The following SPAG17 variants were observed in gnomAD, a reference collection of about 807,000 sequenced individuals.
SPAG17 encodes the protein sperm associated antigen 17.
In SPAG17, 169 loss-of-function variants were observed where a neutral mutation model predicts 273.6. The ratio of observed to expected loss-of-function variants is 0.62; its 90% CI spans 0.55 to 0.70. SPAG17 has a LOEUF of 0.70. Ranked by LOEUF, SPAG17 falls within the 30% of genes least tolerant of loss-of-function variation. SPAG17 has a pLI of 0.00. For missense variants in SPAG17, 2,557 were observed against 2,627.8 expected, an observed-to-expected ratio of 0.97 and a Z score of 0.59; for synonymous variants, 825 against 873.2, an observed-to-expected ratio of 0.94 and a Z score of 0.97.
intron 26 of SPAG17, among the ~76,000 whole-genome samples, chr1:118,026,528 T>C (rs1160799445): frequency 6.6e-6 from 1 of 152,224 alleles, no homozygotes; most frequent in Admixed American, 6.5e-5. Context: ...GAGATATTTC[T>C]ATATGTTAAA....
intron 35 of SPAG17, among the ~76,000 whole-genome samples, chr1:117,993,969 G>A (rs771541582): frequency 6.6e-6 from 1 of 152,112 alleles, no homozygotes; most frequent in Non-Finnish European, 1.5e-5. Context: ...ATTGTTCTTA[G>A]ATGGTCAGTT....
chr1:118,068,136 G>T (rs1450020546), intron 17 of SPAG17, among the ~76,000 whole-genome samples: 1 of 150,744 alleles, frequency 6.6e-6, no homozygotes, highest in African/African-American at 2.4e-5. Flanking sequence ...TGAAGGCATG[G>T]AGTGATATAT....
At chr1:118,103,537 G>C (rs1264392940) in intron 4 of SPAG17, among the ~76,000 whole-genome samples, 4 of 152,170 alleles carry the variant, frequency 2.6e-5, no homozygotes, top group Non-Finnish European at 4.4e-5. Context: ...AGGTACAGAA[G>C]AGTGAAAGGG....
intron 17 of SPAG17, among the ~76,000 whole-genome samples, chr1:118,073,613 C>CT (rs577000376): frequency 1.3e-5 from 2 of 151,966 alleles, no homozygotes; most frequent in Non-Finnish European, 1.5e-5. Flanking sequence ...TTGTATATTT[C>CT]TTTTTTTCTT....
At chr1:118,080,404 T>C (rs1210131498) in intron 15 of SPAG17, among the ~76,000 whole-genome samples, 2 of 152,098 alleles carry the variant, frequency 1.3e-5, no homozygotes, top group East Asian at 3.9e-4. Context: ...CCTAATTCTG[T>C]TGGGCTAGAA....
intron 15 of SPAG17, 112 bp from the exon 16 acceptor site, chr1:118,074,712 G>A: frequency 2.1e-6 from 2 of 959,088 alleles, no homozygotes; most frequent in East Asian, 2.4e-5. Context: ...TGCTGAAAAG[G>A]CAATGCCTGA....
Position 118,055,807 on chromosome 1 carries a change from T to C in SPAG17, c.2648A>G (p.Glu883Gly). The change falls in exon 19 of 49, where the codon GAG (glutamate) becomes GGG (glycine). Residue 883 changes from glutamate (E) to glycine (G), a missense_variant. By Grantham distance (98) the Glu-to-Gly change is moderately conservative. Coordinates refer to ENST00000336338, the MANE Select transcript of SPAG17 (RefSeq NM_206996.4). ...MNEKIIRTRA[E>G]LELKSSANAK... ...ATTAGCAGAAGATTTCAATTCCAGC[T>C]CAGCTCTGGTCCTGATGATTTTCTC... 6.2e-7 allele frequency: 1 copy of C among 1,613,290 alleles called. No individual in the cohort carries two copies. Among genetic ancestry groups the C allele is most frequent in the Non-Finnish European group, 8.5e-7 (1 of 1,179,684 alleles).
chr1:118,078,447 C>T (rs1654280891), intron 15 of SPAG17, among the ~76,000 whole-genome samples: 1 of 152,106 alleles, frequency 6.6e-6, no homozygotes, highest in African/African-American at 2.4e-5. Flanking sequence ...TTAACAAGCA[C>T]AGCCTCCTTA....
At chr1:118,102,839 G>A (rs888116534) in intron 4 of SPAG17, among the ~76,000 whole-genome samples, 1 of 152,184 alleles carries the variant, frequency 6.6e-6, no homozygotes, top group East Asian at 1.9e-4. Context: ...AGAATGTAAC[G>A]CAGAAGGGGA....
chr1:117,970,463 G>A (rs967863018), intron 45 of SPAG17, among the ~76,000 whole-genome samples: 3 of 152,188 alleles, frequency 2.0e-5, no homozygotes, highest in African/African-American at 7.2e-5. Context: ...CTGGCAGCCG[G>A]GTCATTAAGT....
chr1:117,953,607 A>G lies in SPAG17; in HGVS notation c.*443T>C. On this transcript the variant is annotated 3_prime_UTR_variant, in exon 49 of 49. Coordinates refer to ENST00000336338, the MANE Select transcript of SPAG17 (RefSeq NM_206996.4). The stretch of plus-strand genomic sequence containing the variant: ...ATCTCAACTTTTTAGTAAAAGTTTT[A>G]TTCTGTATCAACCAGAAAGCCATTT... 1 of 1,544,572 alleles carries G rather than the reference A, an allele frequency of 6.5e-7. No individual in the cohort carries two copies. Among genetic ancestry groups the G allele is most frequent in the Admixed American group, 1.9e-5 (1 of 53,168 alleles).
chr1:117,971,676 T>C lies in SPAG17; in HGVS notation c.6326+187A>G, dbSNP rs531881528. 4 of 466,524 alleles carry C rather than the reference T, an allele frequency of 8.6e-6. No homozygotes were observed. In the South Asian group the frequency reaches 2.2e-4, roughly 26 times the overall value. 28.9% of individuals were successfully genotyped at this position (466,524 alleles called of 1,614,324 possible). A position where few individuals can be genotyped will look rare whatever the true frequency, so the allele number is the denominator to read the frequency against. ...TATCTACCATATAATTGGAACCCGATAAACACTCACTGATTTGTTGATGAA... is the reference window on the plus strand; with the variant it reads ...TATCTACCATATAATTGGAACCCGACAAACACTCACTGATTTGTTGATGAA... On this transcript the variant is annotated intron_variant, in intron 45 of 48. Coordinates refer to ENST00000336338, the MANE Select transcript of SPAG17 (RefSeq NM_206996.4).
At position 117,971,873 on chromosome 1, in the gene SPAG17, C is replaced by G. The variant is rs1303576989; in HGVS notation, c.6316G>C (p.Asp2106His). 4 of 1,612,576 alleles carry G rather than the reference C, an allele frequency of 2.5e-6. No homozygotes were observed. The highest frequency in any genetic ancestry group is 3.4e-6 in the Non-Finnish European group (4 of 1,179,396). The part of the protein sequence containing the change: ...TVVKLKNVGV[D>H]FCRFKVKQPP... ...GTCCCTTGGCCTCACCTGCAGAAGT[C>G]CACTCCAACATTCTTGAGCTTTACA... is the stretch of plus-strand genomic sequence containing the variant. The change falls in exon 45 of 49, where the codon GAC becomes CAC. Residue 2106 changes from aspartate to histidine, a missense_variant. Asp to His is a moderately conservative substitution (Grantham distance 81). Transcript: ENST00000336338.
At chr1:118,111,817 C>G (rs912970948) in intron 4 of SPAG17, among the ~76,000 whole-genome samples, 3 of 152,094 alleles carry the variant, frequency 2.0e-5, no homozygotes, top group African/African-American at 7.2e-5. Context: ...AGTTCTTTAC[C>G]GCCTATCTTC....
At chr1:118,051,996 T>C (rs1311898506) in intron 20 of SPAG17, among the ~76,000 whole-genome samples, 21 of 138,878 alleles carry the variant, frequency 1.5e-4, no homozygotes. Flanking sequence ...TATGTATGTA[T>C]ATATACACAA....
At chr1:118,149,520 A>C (rs561957889) in intron 3 of SPAG17, among the ~76,000 whole-genome samples, 1 of 152,346 alleles carries the variant, frequency 6.6e-6, no homozygotes, top group Admixed American at 6.5e-5. Flanking sequence ...AACATTATAA[A>C]AAAGAGACAA....
At chr1:117,979,855 C>T (rs914447118) in intron 43 of SPAG17, among the ~76,000 whole-genome samples, 5 of 152,184 alleles carry the variant, frequency 3.3e-5, no homozygotes, top group African/African-American at 1.2e-4. Flanking sequence ...TGTCTCAACT[C>T]AACTATTTTT....
chr1:118,102,308 C>T (rs909386735), intron 4 of SPAG17, among the ~76,000 whole-genome samples: 5 of 152,136 alleles, frequency 3.3e-5, no homozygotes, highest in African/African-American at 1.2e-4. Context: ...CCTGGGGAGC[C>T]TCTGTCTGAG....
At chr1:117,987,984 G>A in intron 39 of SPAG17, 103 bp from the exon 40 acceptor site, 1 of 1,435,746 alleles carries the variant, frequency 7.0e-7, no homozygotes, top group Non-Finnish European at 9.6e-7. Context: ...TTAATAGTAT[G>A]GGAGATGAAG....
Sources: gnomAD v4.1 joint callset for allele counts (sites outside exome capture counted in the v4.1 genomes callset) on GRCh38, gnomAD v4.1.1 for gene constraint, MANE v1.5 for transcripts, NCBI Gene and HGNC (gene_info 2026-07-23, HGNC 2026-07-21) for gene names.